The following NASP variants were observed in gnomAD, a reference collection of about 807,000 sequenced individuals.
The protein encoded by NASP is NASP histone chaperone.
Under a neutral mutation model 89.5 loss-of-function variants are expected in NASP, and 24 were observed. That is an observed-to-expected ratio of 0.27 (90% confidence interval 0.19 to 0.38). The LOEUF is 0.38. Among genes scored for constraint, NASP ranks in the 10% least tolerant of loss-of-function variants. The pLI, the probability that NASP is intolerant of heterozygous loss-of-function variation, is 1.00. For synonymous variants in NASP, 306 were observed against 324.7 expected, an observed-to-expected ratio of 0.94 and a Z score of 0.62; for missense variants, 848 against 921.4, an observed-to-expected ratio of 0.92 and a Z score of 1.03.
rs375520000 is a variant in NASP at position 45,607,801 on chromosome 1, C to G, written c.890C>G (p.Ala297Gly). The G allele has an allele frequency of 1.4e-5, 22 of 1,613,996 alleles. No individual in the cohort carries two copies. The highest frequency in any genetic ancestry group is 1.9e-5 in the Non-Finnish European group (22 of 1,180,030). Residue 297 changes from alanine to glycine, a missense_variant, in exon 6 of 15, where the codon GCA (alanine) becomes GGA (glycine). Ala to Gly is a moderately conservative substitution (Grantham distance 60, BLOSUM62 0). Coordinates refer to ENST00000350030, the MANE Select transcript of NASP (RefSeq NM_002482.4). ...CAGGGCACTGCAGTGGAGGTAGAAGCAGAGTCTTTAGACCCGACAGTCAAG... is the reference window on the plus strand; with the variant it reads ...CAGGGCACTGCAGTGGAGGTAGAAGGAGAGTCTTTAGACCCGACAGTCAAG... ...EKQGTAVEVE[A>G]ESLDPTVKPV...
intron 7 of NASP, 78 bp from the exon 8 acceptor site, chr1:45,614,018 T>C (rs1644061273): frequency 1.7e-6 from 2 of 1,197,196 alleles, no homozygotes. Context: ...TCAACTTTTT[T>C]TAAGCTACGC....
Position 45,585,846 on chromosome 1 carries a change from C to T in NASP, c.59+1641C>T, listed in dbSNP as rs140656057. Among the ~76,000 whole-genome samples, 127 of 152,198 alleles carry T rather than the reference C, an allele frequency of 8.3e-4. 1 individual carries two copies. The highest frequency in any genetic ancestry group is 1.4e-3 in the Non-Finnish European group (98 of 68,014). ...TGTAGATACAAGGTCTTAATGTTGC[C>T]CAGGTTGGTCTCAGACTCTTGGACT... On this transcript the variant is annotated intron_variant, in intron 1 of 14. Transcript: ENST00000350030.
intron 12 of NASP, 29 bp from the exon 13 acceptor site, chr1:45,616,597 C>A: frequency 6.2e-7 from 1 of 1,602,602 alleles, no homozygotes; most frequent in Non-Finnish European, 8.6e-7. Context: ...ATAGCTTGTA[C>A]AATTGCTAAT....
intron 2 of NASP, among the ~76,000 whole-genome samples, chr1:45,599,309 T>C (rs780427153): frequency 7.2e-5 from 11 of 152,112 alleles, no homozygotes; most frequent in Non-Finnish European, 1.5e-4. Context: ...TGTATTTTCC[T>C]ATAGAGATGC....
In NASP at chr1:45,602,223, A is replaced by C. The variant is rs773520509; in HGVS notation, c.108-32A>C. On this transcript the variant is annotated intron_variant, in intron 2 of 14. Coordinates refer to ENST00000350030, the MANE Select transcript of NASP (RefSeq NM_002482.4). ...TTCAAAAAATACTGATTTAAACAGT[A>C]CTTGACACTAGAAAAAATCTTTTTT... 47 of 1,603,498 alleles carry C rather than the reference A, an allele frequency of 2.9e-5. No homozygotes were observed. In the East Asian group the frequency reaches 1.0e-3, roughly 35 times the overall value.
chr1:45,597,028 G>A (rs1383523168), intron 2 of NASP, among the ~76,000 whole-genome samples: 1 of 152,008 alleles, frequency 6.6e-6, no homozygotes, highest in Non-Finnish European at 1.5e-5. Context: ...ACCACTTGTT[G>A]GCTGGGCATG....
At chr1:45,609,764 G>T (rs1377223091) in intron 6 of NASP, 1 of 152,200 alleles carries the variant, frequency 6.6e-6, no homozygotes, top group African/African-American at 2.4e-5. Context: ...CAGTGATGAG[G>T]TTGAGGTTTA....
intron 1 of NASP, among the ~76,000 whole-genome samples, chr1:45,586,533 C>T (rs1342653532): frequency 2.0e-5 from 3 of 151,760 alleles, no homozygotes; most frequent in Non-Finnish European, 2.9e-5. Flanking sequence ...AAGGGATCCA[C>T]CCACGTGGGC....
At chr1:45,616,070 C>T (rs1644100647) in intron 11 of NASP, among the ~76,000 whole-genome samples, 1 of 152,196 alleles carries the variant, frequency 6.6e-6, no homozygotes, top group African/African-American at 2.4e-5. Context: ...CCACAAATTG[C>T]CTGGTTCTGT....
intron 6 of NASP, chr1:45,609,781 A>T (rs1180878260): frequency 6.6e-6 from 1 of 152,278 alleles, no homozygotes; most frequent in Non-Finnish European, 1.5e-5. Flanking sequence ...TTTAAAGGTT[A>T]CATGACTTGT....
intron 1 of NASP, among the ~76,000 whole-genome samples, chr1:45,590,718 CTG>C (rs1643525350): frequency 7.7e-6 from 1 of 130,020 alleles, no homozygotes; most frequent in African/African-American, 2.9e-5. Flanking sequence ...CGGAGTCTCG[CTG>C]TGATATCTCC....
chr1:45,593,421 TACTC>T (rs1643602196), intron 2 of NASP, among the ~76,000 whole-genome samples: 3 of 151,038 alleles, frequency 2.0e-5, no homozygotes, highest in African/African-American at 7.3e-5. Flanking sequence ...TAATCCCAGC[TACTC>T]GGGAGGCTGA....
chr1:45,610,138 G>T (rs1643980087), intron 6 of NASP: 1 of 152,140 alleles, frequency 6.6e-6, no homozygotes, highest in Non-Finnish European at 1.5e-5. Context: ...GGCAGAGGTT[G>T]CAGTGAGCTG....
chr1:45,618,327 A>C lies in NASP; in HGVS notation c.*186A>C, dbSNP rs969586988. On this transcript the variant is annotated 3_prime_UTR_variant, in exon 15 of 15. Transcript: ENST00000350030. ...ACTGCTGGTTTTATATATTAGCCAA[A>C]GGTTTTGTTCTGGCCTTCTGTACTG... The C allele has an allele frequency of 6.8e-5, 36 of 529,570 alleles. 1 individual carries two copies. The highest frequency in any genetic ancestry group is 1.1e-4 in the Non-Finnish European group (32 of 287,692). The allele number at this position is 529,570 out of a possible 1,614,324, so 32.8% of individuals were successfully genotyped here.
chr1:45,604,346 T>G (rs1178647676), intron 3 of NASP, among the ~76,000 whole-genome samples: 1 of 152,262 alleles, frequency 6.6e-6, no homozygotes, highest in Admixed American at 6.5e-5. Flanking sequence ...CACAGTGCTA[T>G]TTGTTGTCTA....
chr1:45,588,342 G>C (rs1290207063), intron 1 of NASP, among the ~76,000 whole-genome samples: 3 of 152,150 alleles, frequency 2.0e-5, no homozygotes, highest in Non-Finnish European at 2.9e-5. Context: ...GACCTCAGGT[G>C]ATCCACTCAC....
chr1:45,595,594 T>C (rs1453253216), intron 2 of NASP, among the ~76,000 whole-genome samples: 1 of 152,244 alleles, frequency 6.6e-6, no homozygotes, highest in African/African-American at 2.4e-5. Context: ...AGATCAAAAC[T>C]GTTATTGTAA....
At position 45,600,157 on chromosome 1, in the gene NASP, A is replaced by T. The variant is rs991186442; in HGVS notation, c.108-2098A>T. On this transcript the variant is annotated intron_variant, in intron 2 of 14. Coordinates refer to ENST00000350030, the MANE Select transcript of NASP (RefSeq NM_002482.4). ...TTTGGTTTTCATTAATGGAACTTAA[A>T]ATGTCACTGACTCTTGCTCTTTTGA... Among the ~76,000 whole-genome samples the T allele has an allele frequency of 5.9e-5, 9 of 152,128 alleles. No individual in the cohort carries two copies. The East Asian group carries it at 1.7e-3, about 29-fold the overall frequency.
At chr1:45,616,580 A>G (rs908042954) in intron 12 of NASP, 46 bp from the exon 13 acceptor site, 1 of 1,580,282 alleles carries the variant, frequency 6.3e-7, no homozygotes, top group Non-Finnish European at 8.7e-7. Flanking sequence ...CTCAGCATTG[A>G]TCTCATATAG....
Sources: allele counts gnomAD v4.1 joint callset (sites outside exome capture counted in the v4.1 genomes callset), GRCh38; gene constraint gnomAD v4.1.1; transcripts MANE v1.5; gene names NCBI Gene and HGNC (gene_info 2026-07-23, HGNC 2026-07-21).